The following SEMA6D variants were observed in gnomAD, a reference collection of about 807,000 sequenced individuals.
The protein encoded by SEMA6D is semaphorin 6D, also known as semaphorin-6D.
In SEMA6D, 35 loss-of-function variants were observed where a neutral mutation model predicts 106.6. That is an observed-to-expected ratio of 0.33 (90% CI 0.25 to 0.44). SEMA6D has a LOEUF of 0.44. SEMA6D is among the 20% of genes least tolerant of loss of function. SEMA6D has a pLI of 1.00. For synonymous variants in SEMA6D, 499 were observed against 487.7 expected (o/e 1.02, Z -0.31); for missense variants, 1,185 against 1,345.9 (o/e 0.88, Z 1.87).
chr15:47,190,702 A>T (rs1347834879), intron 1 of SEMA6D, among the ~76,000 whole-genome samples: 1 of 152,220 alleles, frequency 6.6e-6, no homozygotes, highest in African/African-American at 2.4e-5. Context: ...GCTTACAAAG[A>T]TCTAACTTAT....
At chr15:47,620,383 C>A (rs929218898) in intron 4 of SEMA6D, among the ~76,000 whole-genome samples, 10 of 152,220 alleles carry the variant, frequency 6.6e-5, no homozygotes, top group African/African-American at 2.4e-4. Context: ...AGAGTATCTG[C>A]TTCAGCATGT....
chr15:47,408,032 A>G (rs914111739), intron 1 of SEMA6D, among the ~76,000 whole-genome samples: 8 of 152,078 alleles, frequency 5.3e-5, no homozygotes, highest in African/African-American at 7.2e-5. Context: ...ACTCTTAACC[A>G]AGTTATCAAG....
intron 3 of SEMA6D, among the ~76,000 whole-genome samples, chr15:47,570,143 T>C (rs2046342597): frequency 6.6e-6 from 1 of 152,202 alleles, no homozygotes; most frequent in Non-Finnish European, 1.5e-5. Context: ...CTGTGAAGTC[T>C]TTTTATTAAA....
chr15:47,211,247 T>C (rs948838920), intron 1 of SEMA6D, among the ~76,000 whole-genome samples: 3 of 152,200 alleles, frequency 2.0e-5, no homozygotes, highest in Non-Finnish European at 4.4e-5. Flanking sequence ...CGTACACTTG[T>C]ATACCTGGCC....
At chr15:47,755,584 G>A (rs887491709) in intron 1 of SEMA6D, among the ~76,000 whole-genome samples, 1 of 152,022 alleles carries the variant, frequency 6.6e-6, no homozygotes, top group Non-Finnish European at 1.5e-5. Flanking sequence ...CATTCAGTCT[G>A]GGACTTAGCT....
At chr15:47,416,197 C>G (rs1378899597) in intron 2 of SEMA6D, among the ~76,000 whole-genome samples, 2 of 152,110 alleles carry the variant, frequency 1.3e-5, no homozygotes, top group Admixed American at 1.3e-4. Context: ...CTTCCCCAGT[C>G]CCAAGACCTC....
chr15:47,520,038 A>T (rs1313732626), intron 3 of SEMA6D, among the ~76,000 whole-genome samples: 1 of 152,104 alleles, frequency 6.6e-6, no homozygotes, highest in Non-Finnish European at 1.5e-5. Flanking sequence ...TAGGAAAGAG[A>T]GATGAAAGAG....
At chr15:47,672,957 T>C (rs528191797) in intron 4 of SEMA6D, among the ~76,000 whole-genome samples, 5 of 152,330 alleles carry the variant, frequency 3.3e-5, no homozygotes, top group African/African-American at 9.6e-5. Context: ...ATGGGATTTT[T>C]ATTGCGAGCC....
intron 4 of SEMA6D, among the ~76,000 whole-genome samples, chr15:47,646,794 G>A (rs1444322854): frequency 6.6e-6 from 1 of 152,164 alleles, no homozygotes; most frequent in Non-Finnish European, 1.5e-5. Flanking sequence ...GTCCCCTTTG[G>A]CAAAATATGC....
chr15:47,191,386 G>A lies in SEMA6D; in HGVS notation c.-239+6968G>A, dbSNP rs181490979. The stretch of plus-strand genomic sequence containing the variant: ...AAGCAACACATGGAAGTGAATACTA[G>A]CGTTATTTTTAACACTTTTGAATAA... On this transcript the variant is annotated intron_variant, in intron 1 of 19. Transcript: ENST00000558014. Among the ~76,000 whole-genome samples the A allele has an allele frequency of 5.9e-3, 904 of 152,192 alleles. 6 individuals carry two copies. The highest frequency in any genetic ancestry group is 0.014 in the Middle Eastern group (4 of 294).
intron 4 of SEMA6D, among the ~76,000 whole-genome samples, chr15:47,681,413 GAA>G (rs2078350402): frequency 6.6e-6 from 1 of 152,200 alleles, no homozygotes; most frequent in Non-Finnish European, 1.5e-5. Flanking sequence ...CATAGAAGCA[GAA>G]AGTAGAATGG....
intron 3 of SEMA6D, among the ~76,000 whole-genome samples, chr15:47,536,417 G>A (rs1211192499): frequency 1.3e-5 from 2 of 152,154 alleles, no homozygotes; most frequent in Non-Finnish European, 2.9e-5. Flanking sequence ...ATTCTTATTG[G>A]GGACACAATG....
At chr15:47,651,072 C>A (rs2077680268) in intron 4 of SEMA6D, among the ~76,000 whole-genome samples, 2 of 152,104 alleles carry the variant, frequency 1.3e-5, no homozygotes, top group African/African-American at 4.8e-5. Context: ...TGGCAAAGTT[C>A]TATTTTCCTT....
Position 47,190,289 on chromosome 15 carries a change from C to G in SEMA6D, c.-239+5871C>G, listed in dbSNP as rs540140367. On this transcript the variant is annotated intron_variant, in intron 1 of 19. Transcript: ENST00000558014. The stretch of plus-strand genomic sequence containing the variant: ...TTTGAACTCCAAGATTTGGTAACAT[C>G]CATTTCCATCCAAAGCACGTAAGAG... Among the ~76,000 whole-genome samples the G allele has an allele frequency of 3.3e-5, 5 of 152,282 alleles. No homozygotes were observed. In the South Asian group the frequency reaches 1.0e-3, roughly 32 times the overall value.
At chr15:47,420,742 C>T (rs1366748060) in intron 2 of SEMA6D, among the ~76,000 whole-genome samples, 1 of 152,138 alleles carries the variant, frequency 6.6e-6, no homozygotes, top group Non-Finnish European at 1.5e-5. Flanking sequence ...TTTTTGGAGG[C>T]ACTACCTATG....
chr15:47,327,639 T>C (rs1435481735), intron 1 of SEMA6D, among the ~76,000 whole-genome samples: 1 of 152,206 alleles, frequency 6.6e-6, no homozygotes, highest in Admixed American at 6.5e-5. Context: ...TTAGATGGTA[T>C]GCAAGCCACA....
intron 1 of SEMA6D, among the ~76,000 whole-genome samples, chr15:47,239,559 A>G (rs1190028515): frequency 6.6e-6 from 1 of 152,200 alleles, no homozygotes; most frequent in Non-Finnish European, 1.5e-5. Flanking sequence ...ATTGAGAAAC[A>G]TGAAGATCTG....
chr15:47,302,511 A>C (rs1268737243), intron 1 of SEMA6D, among the ~76,000 whole-genome samples: 7 of 152,196 alleles, frequency 4.6e-5, no homozygotes, highest in Non-Finnish European at 1.5e-5. Flanking sequence ...ACATGGAATG[A>C]GGGACTTTGC....
intron 1 of SEMA6D, among the ~76,000 whole-genome samples, chr15:47,411,958 A>G (rs74917012): frequency 0.014 from 2,077 of 152,184 alleles, 30 homozygotes; most frequent in South Asian, 0.054. Context: ...GTTGCCCTCA[A>G]CTACCCAATG....
Sources: gnomAD v4.1 joint callset for allele counts (sites outside exome capture counted in the v4.1 genomes callset) on GRCh38, gnomAD v4.1.1 for gene constraint, MANE v1.5 for transcripts, NCBI Gene and HGNC (gene_info 2026-07-23, HGNC 2026-07-21) for gene names.